Variants in CSMD1 observed in about 807,000 individuals in gnomAD.
The protein encoded by CSMD1 is CUB and Sushi multiple domains 1.
In CSMD1, 213 loss-of-function variants were observed where a neutral mutation model predicts 417.5. The observed-to-expected ratio is 0.51, with a 90% CI of 0.46 to 0.57. The LOEUF is 0.57. Ranked by LOEUF, CSMD1 falls within the 20% of genes least tolerant of loss-of-function variation. The pLI, the probability that CSMD1 is intolerant of heterozygous loss-of-function variation, is 0.00. For missense variants in CSMD1, 6,923 were observed against 4,529.7 expected (o/e 1.53, Z -15.17); for synonymous variants, 2,862 against 1,736.8 (o/e 1.65, Z -16.11).
At chr8:3,089,877 C>T (rs779602482) in intron 48 of CSMD1, among the ~76,000 whole-genome samples, 3 of 152,234 alleles carry the variant, frequency 2.0e-5, no homozygotes, top group Non-Finnish European at 4.4e-5. Context: ...ACGTAGAAAT[C>T]ATTGTTCTCA....
intron 10 of CSMD1, among the ~76,000 whole-genome samples, chr8:3,555,278 G>A (rs554488786): frequency 6.6e-5 from 10 of 152,116 alleles, no homozygotes; most frequent in Admixed American, 6.5e-4. Flanking sequence ...CCAATGGGAT[G>A]ATTTAGGCAG....
intron 1 of CSMD1, among the ~76,000 whole-genome samples, chr8:4,744,460 G>A (rs149356652): frequency 6.6e-6 from 1 of 152,080 alleles, no homozygotes; most frequent in Non-Finnish European, 1.5e-5. Context: ...GTCCCAAAAT[G>A]CTCTCCATAA....
intron 7 of CSMD1, among the ~76,000 whole-genome samples, chr8:3,648,687 T>C (rs1170919299): frequency 6.6e-6 from 1 of 152,196 alleles, no homozygotes; most frequent in Non-Finnish European, 1.5e-5. Flanking sequence ...CCAAATCCTA[T>C]AAAAATGGTC....
chr8:3,597,908 C>T (rs1801170298), intron 8 of CSMD1, among the ~76,000 whole-genome samples: 2 of 152,122 alleles, frequency 1.3e-5, no homozygotes, highest in African/African-American at 4.8e-5. Flanking sequence ...ATGGGTGCAG[C>T]AAACCAACAT....
intron 2 of CSMD1, among the ~76,000 whole-genome samples, chr8:4,515,411 T>G (rs1803061142): frequency 6.6e-6 from 1 of 152,186 alleles, no homozygotes. Context: ...GAGGCGTCTT[T>G]GTCTGCTTGA....
chr8:4,228,184 C>T (rs186293230), intron 3 of CSMD1, among the ~76,000 whole-genome samples: 19 of 152,346 alleles, frequency 1.2e-4, no homozygotes, highest in Non-Finnish European at 2.4e-4. Context: ...ACCCTGCATG[C>T]AATCCCACAT....
At chr8:3,949,576 G>A (rs552517243) in intron 5 of CSMD1, among the ~76,000 whole-genome samples, 2 of 152,268 alleles carry the variant, frequency 1.3e-5, no homozygotes, top group Non-Finnish European at 2.9e-5. Context: ...GTTCTTTTGT[G>A]TGGGGGAAAC....
intron 1 of CSMD1, among the ~76,000 whole-genome samples, chr8:4,741,854 G>C (rs1005547720): frequency 7.9e-5 from 12 of 151,840 alleles, no homozygotes; most frequent in Non-Finnish European, 4.4e-5. Context: ...TTGTTTTTGA[G>C]ACAGGATCTC....
At chr8:3,126,747 C>T (rs1305863306) in intron 41 of CSMD1, among the ~76,000 whole-genome samples, 1 of 152,154 alleles carries the variant, frequency 6.6e-6, no homozygotes, top group African/African-American at 2.4e-5. Context: ...CTCCTAGTCC[C>T]AGCACCTGCT....
intron 30 of CSMD1, among the ~76,000 whole-genome samples, chr8:3,210,167 G>A (rs1181344652): frequency 3.3e-5 from 5 of 152,108 alleles, no homozygotes; most frequent in Non-Finnish European, 7.4e-5. Flanking sequence ...AATCACAGGC[G>A]CTGGTTCATG....
At chr8:3,939,457 C>A (rs1810729458) in intron 5 of CSMD1, among the ~76,000 whole-genome samples, 1 of 152,054 alleles carries the variant, frequency 6.6e-6, no homozygotes, top group African/African-American at 2.4e-5. Context: ...TACGGAGATT[C>A]CTTAAAGAAC....
intron 2 of CSMD1, among the ~76,000 whole-genome samples, chr8:4,619,951 G>T (rs1402724860): frequency 6.6e-6 from 1 of 151,932 alleles, no homozygotes; most frequent in Non-Finnish European, 1.5e-5. Flanking sequence ...ATATTTATAT[G>T]CTGAAGAATT....
intron 3 of CSMD1, among the ~76,000 whole-genome samples, chr8:4,391,500 T>C (rs1803847646): frequency 6.6e-6 from 1 of 152,132 alleles, no homozygotes; most frequent in African/African-American, 2.4e-5. Context: ...CCCTCTGCTG[T>C]GACCAGTGCA....
chr8:3,300,738 T>A lies in CSMD1; in HGVS notation c.3950+6957A>T, dbSNP rs375241030. ...TTGGGAGGACGAGGCGGGCAGATCA[T>A]TGGAGGTCAGGAGTTTGAGACTAGC... On this transcript the variant is annotated intron_variant, in intron 25 of 69. Coordinates refer to ENST00000635120, the MANE Select transcript of CSMD1 (RefSeq NM_033225.6). Among the ~76,000 whole-genome samples the A allele has an allele frequency of 2.6e-5, 4 of 151,734 alleles. No individual in the cohort carries two copies. In the East Asian group the frequency reaches 5.8e-4, roughly 22 times the overall value.
chr8:3,274,285 C>T lies in CSMD1; in HGVS notation c.4153+9859G>A, dbSNP rs545211729. Among the ~76,000 whole-genome samples the T allele has an allele frequency of 2.8e-4, 43 of 152,178 alleles. No homozygotes were observed. The South Asian group carries it at 8.9e-3, about 32-fold the overall frequency. ...AGTTCTAGTTTGATTGCACTGTGGTCTGAGAGACAGTTTGTTACAATTTCT... is the reference window on the plus strand; with the variant it reads ...AGTTCTAGTTTGATTGCACTGTGGTTTGAGAGACAGTTTGTTACAATTTCT... On this transcript the variant is annotated intron_variant, in intron 26 of 69. Coordinates refer to ENST00000635120, the MANE Select transcript of CSMD1 (RefSeq NM_033225.6).
intron 12 of CSMD1, among the ~76,000 whole-genome samples, chr8:3,457,137 C>T (rs1816201757): frequency 1.3e-5 from 2 of 151,414 alleles, no homozygotes; most frequent in Admixed American, 6.6e-5. Flanking sequence ...TCCTCCCGTA[C>T]TCGTCACTGA....
chr8:4,093,105 C>G (rs992991027), intron 3 of CSMD1, among the ~76,000 whole-genome samples: 1 of 151,976 alleles, frequency 6.6e-6, no homozygotes. Context: ...ACTCAAAGGC[C>G]CTTGTGCCTA....
At chr8:4,305,720 T>G (rs1798207939) in intron 3 of CSMD1, among the ~76,000 whole-genome samples, 1 of 152,202 alleles carries the variant, frequency 6.6e-6, no homozygotes, top group African/African-American at 2.4e-5. Flanking sequence ...AATGATCTCT[T>G]GCATGTACAG....
chr8:3,995,677 G>C (rs906107351), intron 5 of CSMD1, among the ~76,000 whole-genome samples: 2 of 152,226 alleles, frequency 1.3e-5, no homozygotes, highest in African/African-American at 4.8e-5. Flanking sequence ...CAATAATAAA[G>C]AGACAATAGT....
Sources: allele counts gnomAD v4.1 joint callset (sites outside exome capture counted in the v4.1 genomes callset), GRCh38; gene constraint gnomAD v4.1.1; transcripts MANE v1.5; gene names NCBI Gene and HGNC (gene_info 2026-07-23, HGNC 2026-07-21).